Variants in LIMS1 observed in about 807,000 individuals in gnomAD.
The protein encoded by LIMS1 is LIM and senescent cell antigen-like-containing domain protein 1.
LIMS1 carries 18 observed loss-of-function variants against 44.1 expected under a neutral mutation model. That is an observed-to-expected ratio of 0.41 (90% confidence interval 0.28 to 0.61). LIMS1 has a LOEUF of 0.61. Among genes scored for constraint, LIMS1 ranks in the 20% least tolerant of loss-of-function variants. The pLI is 0.32. For synonymous variants in LIMS1, 93 were observed against 149.1 expected (o/e 0.62, Z 2.74); for missense variants, 201 against 422.0 (o/e 0.48, Z 4.59).
chr2:108,625,102 A>G (rs1300184166), intron 1 of LIMS1, among the ~76,000 whole-genome samples: 1 of 152,228 alleles, frequency 6.6e-6, no homozygotes, highest in Non-Finnish European at 1.5e-5. Flanking sequence ...AAATATATAT[A>G]GGGGCAGGTG....
intron 1 of LIMS1, among the ~76,000 whole-genome samples, chr2:108,587,676 T>A (rs931021561): frequency 6.6e-6 from 1 of 152,198 alleles, no homozygotes; most frequent in African/African-American, 2.4e-5. Context: ...GAAGGCTGAA[T>A]TAATTGCTCT....
At chr2:108,621,931 G>A (rs1688273964) in intron 1 of LIMS1, among the ~76,000 whole-genome samples, 1 of 152,150 alleles carries the variant, frequency 6.6e-6, no homozygotes, top group East Asian at 1.9e-4. Context: ...ACTATTCAAT[G>A]TAGCCTAGGA....
chr2:108,679,206 C>T (rs1250249528), intron 8 of LIMS1, among the ~76,000 whole-genome samples: 1 of 151,788 alleles, frequency 6.6e-6, no homozygotes, highest in African/African-American at 2.4e-5. Context: ...GGACCAGGCT[C>T]AGTGGCTCAC....
intron 1 of LIMS1, among the ~76,000 whole-genome samples, chr2:108,613,500 C>T (rs1687770995): frequency 6.6e-6 from 1 of 152,014 alleles, no homozygotes; most frequent in Non-Finnish European, 1.5e-5. Context: ...TCTGCCCTCC[C>T]TCCCTACACA....
intron 1 of LIMS1, among the ~76,000 whole-genome samples, chr2:108,538,499 A>G (rs1023275293): frequency 1.2e-4 from 18 of 152,188 alleles, no homozygotes; most frequent in Admixed American, 5.9e-4. Flanking sequence ...TGCTGGGAGT[A>G]TGTGCTTGGC....
intron 1 of LIMS1, among the ~76,000 whole-genome samples, chr2:108,610,538 T>C (rs1292501215): frequency 6.6e-6 from 1 of 152,154 alleles, no homozygotes; most frequent in East Asian, 1.9e-4. Context: ...GAGATGGACA[T>C]TTTCTTTTAT....
chr2:108,598,016 T>C (rs1182835710), intron 1 of LIMS1, among the ~76,000 whole-genome samples: 3 of 151,622 alleles, frequency 2.0e-5, no homozygotes, highest in African/African-American at 7.3e-5. Flanking sequence ...TTTAAAGCCT[T>C]CTCCCACCTG....
chr2:108,561,964 A>C (rs768363681), intron 1 of LIMS1, among the ~76,000 whole-genome samples: 2 of 151,958 alleles, frequency 1.3e-5, no homozygotes, highest in African/African-American at 4.8e-5. Context: ...GAATGGTCTC[A>C]ATCTCTTGAC....
chr2:108,679,622 C>T (rs1205984488), intron 8 of LIMS1, among the ~76,000 whole-genome samples: 1 of 152,062 alleles, frequency 6.6e-6, no homozygotes, highest in African/African-American at 2.4e-5. Context: ...CAACTGTATA[C>T]ATAAAGGTTG....
intron 1 of LIMS1, among the ~76,000 whole-genome samples, chr2:108,585,960 G>A (rs992389043): frequency 1.6e-4 from 24 of 152,106 alleles, no homozygotes; most frequent in African/African-American, 4.3e-4. Flanking sequence ...TTGGGAGGCC[G>A]AGGCAGGCGA....
At chr2:108,610,290 T>A (rs1687532020) in intron 1 of LIMS1, among the ~76,000 whole-genome samples, 1 of 152,030 alleles carries the variant, frequency 6.6e-6, no homozygotes, top group Admixed American at 6.6e-5. Flanking sequence ...CTCAAGCAGT[T>A]CTTCTGCCTT....
intron 1 of LIMS1, among the ~76,000 whole-genome samples, chr2:108,584,270 A>T (rs748154563): frequency 1.3e-5 from 2 of 152,192 alleles, no homozygotes; most frequent in Non-Finnish European, 2.9e-5. Context: ...GGAAAAACAT[A>T]GACATGTTCC....
At chr2:108,631,032 A>G (rs1053119740) in intron 1 of LIMS1, among the ~76,000 whole-genome samples, 3 of 152,230 alleles carry the variant, frequency 2.0e-5, no homozygotes, top group African/African-American at 7.2e-5. Flanking sequence ...TTTTTCAGAC[A>G]ATTAAAATTT....
chr2:108,638,870 CG>C (rs1209655861), intron 1 of LIMS1, among the ~76,000 whole-genome samples: 1 of 152,036 alleles, frequency 6.6e-6, no homozygotes, highest in African/African-American at 2.4e-5. Flanking sequence ...GGTGAAACCC[CG>C]TCTCTACTAA....
intron 1 of LIMS1, among the ~76,000 whole-genome samples, chr2:108,577,813 C>T (rs1033974983): frequency 1.3e-5 from 2 of 152,174 alleles, no homozygotes; most frequent in Non-Finnish European, 2.9e-5. Context: ...AAATGAAAAT[C>T]TATTTTTTCT....
chr2:108,549,492 C>G (rs1283778512), intron 1 of LIMS1, among the ~76,000 whole-genome samples: 1 of 151,062 alleles, frequency 6.6e-6, no homozygotes, highest in Non-Finnish European at 1.5e-5. Flanking sequence ...ACAGGGTTTC[C>G]CCATGTTGGC....
At chr2:108,558,208 T>C (rs961406752) in intron 1 of LIMS1, among the ~76,000 whole-genome samples, 2 of 145,676 alleles carry the variant, frequency 1.4e-5, no homozygotes, top group African/African-American at 4.9e-5. Context: ...ACCTGAAGAT[T>C]TGTGCATTTT....
At chr2:108,631,589 A>G (rs79960805) in intron 1 of LIMS1, among the ~76,000 whole-genome samples, 3,871 of 149,724 alleles carry the variant, frequency 0.026, 125 homozygotes, top group South Asian at 0.14. Context: ...ATAGCATGCC[A>G]TGTTGACTTC....
At chr2:108,642,171 A>G (rs1374159983) in intron 1 of LIMS1, among the ~76,000 whole-genome samples, 2 of 152,182 alleles carry the variant, frequency 1.3e-5, no homozygotes, top group Non-Finnish European at 2.9e-5. Context: ...GTGGAATAGA[A>G]TGAAGCATTT....
Sources: allele counts gnomAD v4.1 joint callset (sites outside exome capture counted in the v4.1 genomes callset), GRCh38; gene constraint gnomAD v4.1.1; transcripts MANE v1.5; gene names NCBI Gene and HGNC (gene_info 2026-07-23, HGNC 2026-07-21).